Variants in RFX1 observed in about 807,000 individuals in gnomAD.
RFX1 encodes MHC class II regulatory factor RFX1.
In RFX1, 42 loss-of-function variants were observed where a neutral mutation model predicts 119.6. The observed-to-expected ratio is 0.35, with a 90% CI of 0.27 to 0.45. The LOEUF (loss-of-function observed/expected upper bound fraction) is 0.45. Among genes scored for constraint, RFX1 ranks in the 20% least tolerant of loss-of-function variants. The pLI is 1.00. For missense variants in RFX1, 1,118 were observed against 1,368.1 expected (o/e 0.82, Z 2.88); for synonymous variants, 628 against 618.5 (o/e 1.02, Z -0.23).
At position 13,983,709 on chromosome 19, in the gene RFX1, C is replaced by T. The variant is rs1000005785; in HGVS notation, c.320-114G>A. On this transcript the variant is annotated intron_variant, in intron 2 of 20. Coordinates refer to ENST00000254325, the MANE Select transcript of RFX1 (RefSeq NM_002918.5). Reference sequence around the variant, plus strand: ...GAAGCCAACCCCCAGCAAGGTCAGGCCCCTCCAAGAGTCCTGCTTCCCCCT... The same window carrying T: ...GAAGCCAACCCCCAGCAAGGTCAGGTCCCTCCAAGAGTCCTGCTTCCCCCT... The T allele has an allele frequency of 9.4e-6, 8 of 848,318 alleles. No homozygotes were observed. The African/African-American group carries it at 1.3e-4, about 14-fold the overall frequency. The allele number at this position is 848,318 out of a possible 1,614,324, so 52.5% of individuals were successfully genotyped here. A position where few individuals can be genotyped will look rare whatever the true frequency, so the allele number is the denominator to read the frequency against.
intron 1 of RFX1, among the ~76,000 whole-genome samples, chr19:13,997,458 G>A (rs1975075389): frequency 1.3e-5 from 2 of 152,238 alleles, no homozygotes; most frequent in Admixed American, 6.5e-5. Flanking sequence ...TGGGCAGTGT[G>A]TGGCCAGGCA....
chr19:13,983,527 C>A lies in RFX1; in HGVS notation c.388G>T (p.Val130Phe), dbSNP rs377552211. 7.4e-6 allele frequency: 12 copies of A among 1,611,772 alleles called. No homozygotes were observed. Among genetic ancestry groups the A allele is most frequent in the Non-Finnish European group, 9.3e-6 (11 of 1,179,600 alleles). ...SPGSTASQTG[V>F]PTQVVQQVQG... ...ACCTGCTGAACCACCTGAGTAGGAACGCCGGTCTGGCTGGCGGTGGAGCCG... is the reference window on the plus strand; with the variant it reads ...ACCTGCTGAACCACCTGAGTAGGAAAGCCGGTCTGGCTGGCGGTGGAGCCG... Residue 130 changes from valine (V) to phenylalanine (F), a missense_variant, in exon 3 of 21, where the codon GTT (valine) becomes TTT (phenylalanine). Around this residue, in one of 5 missense-constraint regions of RFX1, gnomAD observed 542 missense variants for 602.7 expected, o/e 0.90. Transcript: ENST00000254325.
intron 6 of RFX1, among the ~76,000 whole-genome samples, chr19:13,979,992 G>C (rs901322068): frequency 1.3e-5 from 2 of 151,988 alleles, no homozygotes; most frequent in Admixed American, 6.6e-5. Flanking sequence ...CTGGAGGTTC[G>C]GGGGGGCTCT....
At chr19:13,971,233 C>G (rs1212445059) in intron 9 of RFX1, among the ~76,000 whole-genome samples, 1 of 151,838 alleles carries the variant, frequency 6.6e-6, no homozygotes, top group African/African-American at 2.4e-5. Flanking sequence ...ACTCGAGAGG[C>G]TGAGGCACAA....
chr19:13,963,963 C>A lies in RFX1; in HGVS notation c.2256G>T (p.Thr752=), dbSNP rs1436526550. 6.5e-6 allele frequency: 10 copies of A among 1,541,348 alleles called. No individual in the cohort carries two copies. The highest frequency in any genetic ancestry group is 8.7e-6 in the Non-Finnish European group (10 of 1,147,278). ...CCGCCTGCGCCAGGTGGTTGAGCGA[C>A]GTGTAGCGCCGCAGTGTCTGCGCGA... is the stretch of plus-strand genomic sequence containing the variant. ...GAFAQTLRRY[T]SLNHLAQAAR... is the part of the protein sequence containing the mutation. Residue 752 remains threonine, a synonymous_variant, in exon 17 of 21, where the codon ACG becomes ACT. Coordinates refer to ENST00000254325, the MANE Select transcript of RFX1 (RefSeq NM_002918.5).
intron 8 of RFX1, among the ~76,000 whole-genome samples, chr19:13,974,468 T>C (rs1313230017): frequency 6.6e-6 from 1 of 151,906 alleles, no homozygotes; most frequent in Non-Finnish European, 1.5e-5. Flanking sequence ...CAAAAGATGA[T>C]GGAATCCTAT....
chr19:13,963,358 C>T, intron 18 of RFX1, 83 bp from the exon 19 acceptor site: 1 of 1,500,108 alleles, frequency 6.7e-7, no homozygotes, highest in Admixed American at 2.0e-5. Context: ...TGCGCCCGGG[C>T]CTCGCGCCAG....
Position 13,979,542 on chromosome 19 carries a change from T to G in RFX1, c.739A>C (p.Arg247=), listed in dbSNP as rs765364133. 3.8e-6 allele frequency: 6 copies of G among 1,582,048 alleles called. No homozygotes were observed. The highest frequency in any genetic ancestry group is 5.2e-6 in the Non-Finnish European group (6 of 1,162,152). ...TGTGGAGTGGCCTGGACCACAGATC[T>G]CTGGGAGGGGAAAGGCAACAATAAG... ...VQQSVPVTQE[R]SVVQATPQAP... Residue 247 remains arginine (R), a splice_region_variant and synonymous_variant, in exon 7 of 21, where the codon AGA becomes CGA. Transcript: ENST00000254325.
At chr19:13,975,231 C>A (rs1054643549) in intron 8 of RFX1, among the ~76,000 whole-genome samples, 4 of 151,858 alleles carry the variant, frequency 2.6e-5, no homozygotes, top group Admixed American at 6.6e-5. Context: ...GTGGTGGGCG[C>A]CTGTAATCCC....
At chr19:13,993,127 C>G (rs1343187851) in intron 2 of RFX1, among the ~76,000 whole-genome samples, 1 of 151,950 alleles carries the variant, frequency 6.6e-6, no homozygotes, top group Non-Finnish European at 1.5e-5. Context: ...GATCCCATAG[C>G]TACAAAAAAT....
In RFX1 at chr19:13,964,034, T is replaced by C. The variant is rs748542699; in HGVS notation, c.2212-27A>G. The C allele has an allele frequency of 2.5e-5, 38 of 1,525,362 alleles. No homozygotes were observed. In the South Asian group the frequency reaches 4.6e-4, roughly 18 times the overall value. 94.5% of individuals were successfully genotyped at this position (1,525,362 alleles called of 1,614,324 possible). On this transcript the variant is annotated intron_variant, in intron 16 of 20. Coordinates refer to ENST00000254325, the MANE Select transcript of RFX1 (RefSeq NM_002918.5). ...TGCGTGCAGGGATTGAGGGGCTTGC[T>C]GCTTCCAAGGAACCCCAGCCCGCCA... is the stretch of plus-strand genomic sequence containing the variant.
rs757907868 is a variant in RFX1 at position 13,980,647 on chromosome 19, C to T, written c.664G>A (p.Gly222Arg). 47 of 1,589,318 alleles carry T rather than the reference C, an allele frequency of 3.0e-5. No individual in the cohort carries two copies. The highest frequency in any genetic ancestry group is 2.4e-4 in the South Asian group (21 of 88,680). Residue 222 changes from glycine to arginine, a missense_variant, in exon 6 of 21, where the codon GGG becomes AGG. Gly to Arg is a moderately radical substitution (Grantham distance 125). Transcript: ENST00000254325. The surrounding 1 kb of genome is among the most constrained non-coding windows in gnomAD (Gnocchi z 5.1). ...QANSSSSKTA[G>R]APTGTVPQQL... ...TGTGGCACTGTGCCCGTGGGGGCCC[C>T]GGCTGTCTTGCTGGAAGAGCTGTTG...
chr19:14,005,829 C>G (rs1289500860), intron 1 of RFX1, among the ~76,000 whole-genome samples: 1 of 151,234 alleles, frequency 6.6e-6, no homozygotes, highest in East Asian at 2.0e-4. Context: ...CCTTCGCGCT[C>G]CCGACATATA....
At position 13,965,362 on chromosome 19, in the gene RFX1, G is replaced by A. The variant is rs565571627; in HGVS notation, c.2211+87C>T. ...AGGCATCATCCCTGGAACAGGCGTGGGGACAAATTTTACCGCCCCTGGGGA... is the reference window on the plus strand; with the variant it reads ...AGGCATCATCCCTGGAACAGGCGTGAGGACAAATTTTACCGCCCCTGGGGA... On this transcript the variant is annotated intron_variant, in intron 16 of 20. Transcript: ENST00000254325. The surrounding 1 kb of genome is among the most constrained non-coding windows in gnomAD (Gnocchi z 4.7). The A allele has an allele frequency of 2.6e-5, 31 of 1,200,898 alleles. No homozygotes were observed. The East Asian group carries it at 6.6e-4, about 25-fold the overall frequency. 74.4% of individuals were successfully genotyped at this position (1,200,898 alleles called of 1,614,324 possible). A position where few individuals can be genotyped will look rare whatever the true frequency, so the allele number is the denominator to read the frequency against.
rs1215750974 is a variant in RFX1 at position 13,968,412 on chromosome 19, C to T, written c.1732+153G>A. ...ACAGAACTGTCACTGTGGACGGAGA[C>T]TGTGATGTCTCCCCCACCCCCTGCT... On this transcript the variant is annotated intron_variant, in intron 12 of 20. Transcript: ENST00000254325. The surrounding 1 kb of genome is among the most constrained non-coding windows in gnomAD (Gnocchi z 5.5). Among the ~76,000 whole-genome samples, 1 of 152,154 alleles carries T rather than the reference C, an allele frequency of 6.6e-6. No homozygotes were observed. The highest frequency in any genetic ancestry group is 2.4e-5 in the African/African-American group (1 of 41,428).
rs1322436917 is a variant in RFX1, at chr19:13,985,922, G to A, written c.320-2327C>T. Among the ~76,000 whole-genome samples, 1 of 152,138 alleles carries A rather than the reference G, an allele frequency of 6.6e-6. No individual in the cohort carries two copies. Among genetic ancestry groups the A allele is most frequent in the East Asian group, 1.9e-4 (1 of 5,202 alleles). On this transcript the variant is annotated intron_variant, in intron 2 of 20. Coordinates refer to ENST00000254325, the MANE Select transcript of RFX1 (RefSeq NM_002918.5). This position sits in a 1 kb window ranked among gnomAD's most constrained non-coding sequence, Gnocchi z 4.3. ...AGGTGTTGGGGGAGGCCTCCGCGTA[G>A]CCGCATGTGGGCTGTGGGGCATTTG...
In RFX1 at chr19:13,980,744, A is replaced by ATCCTCTCTGG; in HGVS notation, c.622-56_622-55insCCAGAGAGGA. ...CTGGGGTGGGCTTGCATCCTCTCTGAGGTGGGCTCACACACACACCCTTCT... is the reference window on the plus strand; with the variant it reads ...CTGGGGTGGGCTTGCATCCTCTCTGATCCTCTCTGGGGTGGGCTCACACACACACCCTTCT... On this transcript the variant is annotated intron_variant, in intron 5 of 20. Transcript: ENST00000254325. This position sits in a 1 kb window ranked among gnomAD's most constrained non-coding sequence, Gnocchi z 5.1. 3 of 223,794 alleles carry ATCCTCTCTGG rather than the reference A, an allele frequency of 1.3e-5. No individual in the cohort carries two copies. The highest frequency in any genetic ancestry group is 9.4e-5 in the South Asian group (1 of 10,646). 13.9% of individuals were successfully genotyped at this position (223,794 alleles called of 1,614,324 possible). A position where few individuals can be genotyped will look rare whatever the true frequency, so the allele number is the denominator to read the frequency against.
intron 9 of RFX1, 115 bp from the exon 10 acceptor site, chr19:13,970,290 CATA>C: frequency 1.2e-6 from 1 of 808,610 alleles, no homozygotes; most frequent in South Asian, 1.8e-5. Flanking sequence ...GCCACGCCCA[CATA>C]AGTTAGCACA....
chr19:13,975,080 G>A (rs1466458827), intron 8 of RFX1, among the ~76,000 whole-genome samples: 14 of 142,636 alleles, frequency 9.8e-5, no homozygotes, highest in African/African-American at 3.4e-4. Context: ...GCAGGGGCAG[G>A]CACGGTGGCT....
Sources: allele counts gnomAD v4.1 joint callset (sites outside exome capture counted in the v4.1 genomes callset), GRCh38; gene constraint gnomAD v4.1.1; regional missense constraint gnomAD v4.1.1; non-coding constraint Gnocchi (gnomAD v3.1); transcripts MANE v1.5; gene names NCBI Gene and HGNC (gene_info 2026-07-23, HGNC 2026-07-21).